The following DDX46 variants were observed in gnomAD, a reference collection of about 807,000 sequenced individuals.
The protein encoded by DDX46 is probable ATP-dependent RNA helicase DDX46.
Under a neutral mutation model 134.9 loss-of-function variants are expected in DDX46, and 30 were observed. That is an observed-to-expected ratio of 0.22 (90% CI 0.17 to 0.30). DDX46 has a LOEUF of 0.30. DDX46 is among the 10% of genes least tolerant of loss of function. DDX46 has a pLI of 1.00. For synonymous variants in DDX46, 415 were observed against 404.1 expected, an observed-to-expected ratio of 1.03 and a Z score of -0.32; for missense variants, 622 against 1,248.7, an observed-to-expected ratio of 0.50 and a Z score of 7.56.
intron 3 of DDX46, among the ~76,000 whole-genome samples, chr5:134,769,648 C>T (rs1753698252): frequency 1.3e-5 from 2 of 150,456 alleles, no homozygotes; most frequent in Non-Finnish European, 2.9e-5. Flanking sequence ...TCAAGTGATT[C>T]TCCTGCCTCG....
At chr5:134,767,357 C>T (rs1194508149) in intron 3 of DDX46, among the ~76,000 whole-genome samples, 1 of 152,052 alleles carries the variant, frequency 6.6e-6, no homozygotes, top group African/African-American at 2.4e-5. Flanking sequence ...ATTTTCTTTT[C>T]AGGCAGGGTC....
intron 16 of DDX46, 81 bp downstream of exon 16, chr5:134,808,022 G>A: frequency 8.0e-7 from 1 of 1,246,586 alleles, no homozygotes; most frequent in Non-Finnish European, 1.1e-6. Flanking sequence ...GTAGATAATA[G>A]GAGTTATGGA....
chr5:134,764,191 G>C (rs776610168), intron 2 of DDX46, 99 bp downstream of exon 2: 116 of 1,230,222 alleles, frequency 9.4e-5, no homozygotes, highest in Non-Finnish European at 1.2e-4. Context: ...GAGTTTGGTG[G>C]CCCAATTGCA....
At chr5:134,798,884 T>C (rs1252364355) in intron 15 of DDX46, among the ~76,000 whole-genome samples, 1 of 152,250 alleles carries the variant, frequency 6.6e-6, no homozygotes, top group African/African-American at 2.4e-5. Context: ...AGACTGCAGA[T>C]TGAAAATATT....
At chr5:134,823,441 T>C (rs1440890445) in intron 21 of DDX46, among the ~76,000 whole-genome samples, 2 of 152,098 alleles carry the variant, frequency 1.3e-5, no homozygotes, top group Admixed American at 6.6e-5. Context: ...GCCCGGCAAA[T>C]ACAGCTGTTA....
chr5:134,800,577 A>T (rs1166518355), intron 15 of DDX46, among the ~76,000 whole-genome samples: 1 of 152,126 alleles, frequency 6.6e-6, no homozygotes, highest in African/African-American at 2.4e-5. Flanking sequence ...ATCACTTCCT[A>T]AAAAACTCCC....
At chr5:134,798,579 A>G (rs1274512223) in intron 15 of DDX46, among the ~76,000 whole-genome samples, 2 of 152,174 alleles carry the variant, frequency 1.3e-5, no homozygotes, top group Non-Finnish European at 2.9e-5. Context: ...ACTACTGTCT[A>G]TTTCTAGAAC....
At chr5:134,798,963 T>C (rs1754747339) in intron 15 of DDX46, among the ~76,000 whole-genome samples, 2 of 152,222 alleles carry the variant, frequency 1.3e-5, no homozygotes, top group South Asian at 4.1e-4. Context: ...AAACAATACA[T>C]TATAAAAACT....
At chr5:134,782,624 T>C (rs1754189912) in intron 8 of DDX46, among the ~76,000 whole-genome samples, 1 of 151,976 alleles carries the variant, frequency 6.6e-6, no homozygotes, top group South Asian at 2.1e-4. Flanking sequence ...ACACCCCCCG[T>C]TCCCACCCCA....
intron 15 of DDX46, among the ~76,000 whole-genome samples, chr5:134,804,342 A>G (rs1043514825): frequency 1.3e-5 from 2 of 152,218 alleles, no homozygotes; most frequent in Non-Finnish European, 2.9e-5. Flanking sequence ...GACATGGTAT[A>G]TTGTGACAGA....
At chr5:134,790,658 T>C (rs1285381592) in intron 13 of DDX46, 106 bp downstream of exon 13, 3 of 930,516 alleles carry the variant, frequency 3.2e-6, no homozygotes, top group African/African-American at 3.3e-5. Context: ...CACACTTTTC[T>C]GTTGCACGGT....
intron 15 of DDX46, chr5:134,804,967 C>A: frequency 5.5e-6 from 2 of 363,264 alleles, no homozygotes; most frequent in Admixed American, 2.9e-5. Flanking sequence ...ACACAAACCC[C>A]TTGAAGTCTG....
rs1755134017 is a variant in DDX46 at position 134,811,244 on chromosome 5, A to G, written c.2172A>G (p.Thr724=). The G allele has an allele frequency of 3.7e-6, 6 of 1,614,040 alleles. No individual in the cohort carries two copies. Among genetic ancestry groups the G allele is most frequent in the Non-Finnish European group, 5.1e-6 (6 of 1,179,982 alleles). The part of the protein sequence containing the change: ...GNKGYAYTFI[T]EDQARYAGDI... ...AGGGTTATGCTTATACTTTTATCAC[A>G]GAGGATCAAGCTCGCTATGCTGGTG... Residue 724 remains threonine, a synonymous_variant, in exon 17 of 23, where the codon ACA becomes ACG. Coordinates refer to ENST00000452510, the MANE Select transcript of DDX46 (RefSeq NM_001300860.2).
intron 8 of DDX46, 106 bp downstream of exon 8, chr5:134,782,192 G>C (rs913787669): frequency 1.7e-6 from 2 of 1,204,174 alleles, no homozygotes; most frequent in Non-Finnish European, 2.2e-6. Flanking sequence ...AGGGTGTTTT[G>C]GAAATATTTT....
intron 15 of DDX46, among the ~76,000 whole-genome samples, chr5:134,804,120 A>T (rs892096299): frequency 2.0e-5 from 3 of 151,688 alleles, no homozygotes; most frequent in African/African-American, 7.3e-5. Context: ...TTTTGTAAAG[A>T]TGGGTTTTTG....
In DDX46 at chr5:134,796,166, A is replaced by AT. The variant is rs1754647759; in HGVS notation, c.1954+18dup. 1 of 1,611,490 alleles carries AT rather than the reference A, an allele frequency of 6.2e-7. No homozygotes were observed. Among genetic ancestry groups the AT allele is most frequent in the East Asian group, 2.2e-5 (1 of 44,780 alleles). On this transcript the variant is annotated intron_variant, in intron 15 of 22. Transcript: ENST00000452510. The stretch of plus-strand genomic sequence containing the variant: ...CTTCATGGAGGTAATTATTCACTTG[A>AT]TTCACACATAAAATATCTATTAAGT...
At chr5:134,807,076 C>T (rs1755010297) in intron 15 of DDX46, among the ~76,000 whole-genome samples, 1 of 148,012 alleles carries the variant, frequency 6.8e-6, no homozygotes, top group Non-Finnish European at 1.5e-5. Context: ...TTCCCCGAGA[C>T]AGAGTCATGC....
At chr5:134,766,190 ATC>A (rs564285288) in intron 2 of DDX46, among the ~76,000 whole-genome samples, 419 of 152,286 alleles carry the variant, frequency 2.8e-3, no homozygotes, top group Non-Finnish European at 4.3e-3. Context: ...TAGATATTCT[ATC>A]TTAGACCATC....
intron 16 of DDX46, 72 bp from the exon 17 acceptor site, chr5:134,811,149 A>C: frequency 7.3e-7 from 1 of 1,371,018 alleles, no homozygotes. Context: ...GGTGGATCAG[A>C]TTTTATCTTA....
Sources: gnomAD v4.1 joint callset for allele counts (sites outside exome capture counted in the v4.1 genomes callset) on GRCh38, gnomAD v4.1.1 for gene constraint, MANE v1.5 for transcripts, NCBI Gene and HGNC (gene_info 2026-07-23, HGNC 2026-07-21) for gene names.